The following LHFPL6 variants were observed in gnomAD, a reference collection of about 807,000 sequenced individuals.
The protein encoded by LHFPL6 is LHFPL tetraspan subfamily member 6, also known as LHFPL tetraspan subfamily member 6 protein.
In LHFPL6, 9 loss-of-function variants were observed where a neutral mutation model predicts 20.6. That is an observed-to-expected ratio of 0.44 (90% CI 0.26 to 0.76). LHFPL6 has a LOEUF of 0.76. Ranked by LOEUF, LHFPL6 falls within the 30% of genes least tolerant of loss-of-function variation. The probability of loss-of-function intolerance (pLI) is 0.20; values close to 1 mark genes in which losing one functional copy is unlikely to be tolerated. For synonymous variants in LHFPL6, 105 were observed against 98.7 expected (o/e 1.06, Z -0.38); for missense variants, 218 against 253.5 (o/e 0.86, Z 0.95).
rs564698349 is a variant in LHFPL6 at position 39,387,725 on chromosome 13, C to T, written c.386-9199G>A. ...CCTAACCCCTCTTCTCCAATGCCTCCCAAATCCCCAAGTGTTCACTGTCCC... is the reference window on the plus strand; with the variant it reads ...CCTAACCCCTCTTCTCCAATGCCTCTCAAATCCCCAAGTGTTCACTGTCCC... On this transcript the variant is annotated intron_variant, in intron 2 of 3. Transcript: ENST00000379589. 3.3e-5 allele frequency among the ~76,000 whole-genome samples: 5 copies of T among 152,208 alleles called. No homozygotes were observed. The South Asian group carries it at 1.0e-3, about 32-fold the overall frequency.
chr13:39,497,742 C>G (rs1566125179), intron 2 of LHFPL6, among the ~76,000 whole-genome samples: 1 of 152,148 alleles, frequency 6.6e-6, no homozygotes, highest in Non-Finnish European at 1.5e-5. Flanking sequence ...GGGGGAGGAA[C>G]ACACAGCTGT....
intron 2 of LHFPL6, among the ~76,000 whole-genome samples, chr13:39,421,916 G>C (rs1177749126): frequency 6.6e-6 from 1 of 152,196 alleles, no homozygotes. Context: ...CACTCATAAA[G>C]AATGGTCAGG....
intron 2 of LHFPL6, among the ~76,000 whole-genome samples, chr13:39,509,835 C>A (rs2138473051): frequency 6.6e-6 from 1 of 152,266 alleles, no homozygotes; most frequent in Non-Finnish European, 1.5e-5. Flanking sequence ...TGGCATGTGC[C>A]TGTAGTCCCA....
At chr13:39,368,281 T>C (rs1183381583) in intron 3 of LHFPL6, among the ~76,000 whole-genome samples, 1 of 56,360 alleles carries the variant, frequency 1.8e-5, no homozygotes, top group Non-Finnish European at 4.7e-5. Context: ...CAGTGGGCGG[T>C]GGAGGAAAAA....
intron 2 of LHFPL6, among the ~76,000 whole-genome samples, chr13:39,524,474 A>G (rs1345639524): frequency 6.6e-6 from 1 of 152,150 alleles, no homozygotes; most frequent in Non-Finnish European, 1.5e-5. Context: ...ATCTATTTGA[A>G]GCTGGTATGA....
chr13:39,353,040 G>A (rs1869634058), intron 3 of LHFPL6, among the ~76,000 whole-genome samples: 1 of 144,250 alleles, frequency 6.9e-6, no homozygotes, highest in Non-Finnish European at 1.5e-5. Flanking sequence ...CCAGGCTGGA[G>A]TGCAATGGCG....
At chr13:39,487,983 C>T (rs1434426877) in intron 2 of LHFPL6, among the ~76,000 whole-genome samples, 1 of 152,182 alleles carries the variant, frequency 6.6e-6, no homozygotes, top group African/African-American at 2.4e-5. Flanking sequence ...GCATCCAGTG[C>T]TATGGTCTGA....
intron 2 of LHFPL6, among the ~76,000 whole-genome samples, chr13:39,449,184 T>C (rs931951237): frequency 1.3e-5 from 2 of 152,222 alleles, no homozygotes; most frequent in South Asian, 2.1e-4. Flanking sequence ...GACCCTCTGT[T>C]CTGAATGACC....
At chr13:39,528,984 T>C (rs1593350668) in intron 2 of LHFPL6, among the ~76,000 whole-genome samples, 1 of 152,350 alleles carries the variant, frequency 6.6e-6, no homozygotes, top group Non-Finnish European at 1.5e-5. Flanking sequence ...AGTCAGCTTC[T>C]GTTTAAGACA....
At chr13:39,556,234 T>C (rs1218461958) in intron 2 of LHFPL6, among the ~76,000 whole-genome samples, 1 of 151,594 alleles carries the variant, frequency 6.6e-6, no homozygotes, top group Non-Finnish European at 1.5e-5. Flanking sequence ...CACTAAGGAG[T>C]GGGGTGCTGA....
intron 3 of LHFPL6, among the ~76,000 whole-genome samples, chr13:39,346,186 G>A (rs917131535): frequency 6.6e-6 from 1 of 152,164 alleles, no homozygotes; most frequent in South Asian, 2.1e-4. Context: ...ACGCAAGACA[G>A]AGCTAAGGGA....
chr13:39,452,763 TA>T (rs1715072495), intron 2 of LHFPL6, among the ~76,000 whole-genome samples: 1 of 152,196 alleles, frequency 6.6e-6, no homozygotes, highest in Non-Finnish European at 1.5e-5. Flanking sequence ...TGCATAAATT[TA>T]GATGTGAAAA....
At chr13:39,371,880 T>C (rs1054423131) in intron 3 of LHFPL6, among the ~76,000 whole-genome samples, 6 of 152,194 alleles carry the variant, frequency 3.9e-5, no homozygotes, top group Non-Finnish European at 7.4e-5. Context: ...GAGACTCTGA[T>C]TCCATTTCTG....
At chr13:39,576,818 T>C (rs1178108069) in intron 2 of LHFPL6, among the ~76,000 whole-genome samples, 1 of 151,008 alleles carries the variant, frequency 6.6e-6, no homozygotes, top group Non-Finnish European at 1.5e-5. Flanking sequence ...AAATTTTTTT[T>C]CTAGAGACAA....
chr13:39,524,795 TA>T (rs1406864076), intron 2 of LHFPL6, among the ~76,000 whole-genome samples: 17 of 152,282 alleles, frequency 1.1e-4, no homozygotes, highest in African/African-American at 4.1e-4. Flanking sequence ...TTAACAAAAC[TA>T]AGTGCAGAAA....
chr13:39,476,321 C>T (rs527838467), intron 2 of LHFPL6, among the ~76,000 whole-genome samples: 18 of 152,272 alleles, frequency 1.2e-4, no homozygotes, highest in South Asian at 4.1e-4. Context: ...TGAGCAACCG[C>T]GCCCAGCCTG....
chr13:39,602,615 GAC>G (rs143450433), intron 1 of LHFPL6, among the ~76,000 whole-genome samples: 8,677 of 152,220 alleles, frequency 0.057, 843 homozygotes, highest in African/African-American at 0.2. Context: ...CACCCATGGA[GAC>G]ACACAATGAT....
intron 2 of LHFPL6, among the ~76,000 whole-genome samples, chr13:39,548,662 G>A (rs1414968795): frequency 1.3e-5 from 2 of 152,052 alleles, no homozygotes; most frequent in East Asian, 1.9e-4. Flanking sequence ...AGGCAGAAAA[G>A]AGATAGAAAA....
intron 2 of LHFPL6, among the ~76,000 whole-genome samples, chr13:39,465,566 A>G (rs1236368493): frequency 2.6e-5 from 4 of 152,102 alleles, no homozygotes; most frequent in Non-Finnish European, 5.9e-5. Context: ...CGGGCACCCA[A>G]TTCCTAGGGG....
Sources: gnomAD v4.1 joint callset for allele counts (sites outside exome capture counted in the v4.1 genomes callset) on GRCh38, gnomAD v4.1.1 for gene constraint, MANE v1.5 for transcripts, NCBI Gene and HGNC (gene_info 2026-07-23, HGNC 2026-07-21) for gene names.